Variants in ATXN7 observed in about 807,000 individuals in gnomAD.
ATXN7 encodes the protein ataxin-7.
Under a neutral mutation model 70.5 loss-of-function variants are expected in ATXN7, and 12 were observed. The ratio of observed to expected loss-of-function variants is 0.17; its 90% CI spans 0.11 to 0.28. ATXN7 has a LOEUF of 0.28. Ranked by LOEUF, ATXN7 falls within the 10% of genes least tolerant of loss-of-function variation. ATXN7 has a pLI of 1.00. For synonymous variants in ATXN7, 498 were observed against 448.7 expected, an observed-to-expected ratio of 1.11 and a Z score of -1.39; for missense variants, 1,256 against 1,131.7, an observed-to-expected ratio of 1.11 and a Z score of -1.58.
chr3:63,929,969 A>G (rs529828562), intron 4 of ATXN7, among the ~76,000 whole-genome samples: 2 of 152,284 alleles, frequency 1.3e-5, no homozygotes, highest in African/African-American at 4.8e-5. Context: ...CAAGTAGTGG[A>G]GAGATGACTG....
At chr3:63,991,290 C>A (rs2075667867) in intron 11 of ATXN7, among the ~76,000 whole-genome samples, 1 of 115,490 alleles carries the variant, frequency 8.7e-6, no homozygotes, top group African/African-American at 3.3e-5. Context: ...TACCCTCCCC[C>A]CACCCCTGGT....
At chr3:63,870,860 CTT>C (rs946978373) in intron 1 of ATXN7, among the ~76,000 whole-genome samples, 107 of 152,258 alleles carry the variant, frequency 7.0e-4, no homozygotes, top group African/African-American at 2.5e-3. Flanking sequence ...AAAAATTCCT[CTT>C]GTGTTCTAAC....
At chr3:63,927,695 T>G (rs559919845) in intron 4 of ATXN7, among the ~76,000 whole-genome samples, 4 of 152,230 alleles carry the variant, frequency 2.6e-5, no homozygotes, top group Admixed American at 6.5e-5. Flanking sequence ...AACTCTGTGC[T>G]TTTTTCCAGC....
chr3:63,974,518 T>C (rs1306409166), intron 5 of ATXN7, among the ~76,000 whole-genome samples: 1 of 152,268 alleles, frequency 6.6e-6, no homozygotes, highest in African/African-American at 2.4e-5. Flanking sequence ...TGCCTGGGAT[T>C]GCACCCATCT....
At chr3:63,931,255 T>C (rs1317736852) in intron 4 of ATXN7, among the ~76,000 whole-genome samples, 3 of 152,320 alleles carry the variant, frequency 2.0e-5, no homozygotes, top group South Asian at 4.1e-4. Flanking sequence ...AGAAGTTTGC[T>C]GATTTATTGT....
intron 4 of ATXN7, among the ~76,000 whole-genome samples, chr3:63,919,391 A>T (rs1376916138): frequency 6.6e-6 from 1 of 152,188 alleles, no homozygotes; most frequent in Non-Finnish European, 1.5e-5. Context: ...AAGGAAACCC[A>T]ATCTGCAGAA....
At chr3:63,915,580 G>A (rs539975461) in intron 4 of ATXN7, among the ~76,000 whole-genome samples, 1 of 152,260 alleles carries the variant, frequency 6.6e-6, no homozygotes, top group South Asian at 2.1e-4. Context: ...AAGAAAAGAT[G>A]TTTTGAAGTT....
At chr3:63,925,123 A>C (rs1160210192) in intron 4 of ATXN7, among the ~76,000 whole-genome samples, 1 of 152,180 alleles carries the variant, frequency 6.6e-6, no homozygotes, top group Non-Finnish European at 1.5e-5. Context: ...GCAGGTAGGG[A>C]TGTAGAATTG....
chr3:63,955,203 AC>A (rs1361686184), intron 5 of ATXN7, among the ~76,000 whole-genome samples: 1 of 152,186 alleles, frequency 6.6e-6, no homozygotes, highest in African/African-American at 2.4e-5. Context: ...GATGTGACTG[AC>A]AAAGCCACTA....
chr3:63,930,701 T>C (rs1395678700), intron 4 of ATXN7, among the ~76,000 whole-genome samples: 1 of 152,084 alleles, frequency 6.6e-6, no homozygotes, highest in African/African-American at 2.4e-5. Flanking sequence ...GCTAATTTTT[T>C]TTGTATTTTT....
In ATXN7 at chr3:63,931,280, T is replaced by A. The variant is rs74279533; in HGVS notation, c.394+18055T>A. Reference sequence around the variant, plus strand: ...TGATTTATTGTTTCTAGTGCTGATCTTCTTGCTGTTACTAACTTGTAAACA... The same window carrying A: ...TGATTTATTGTTTCTAGTGCTGATCATCTTGCTGTTACTAACTTGTAAACA... On this transcript the variant is annotated intron_variant, in intron 4 of 12. Coordinates refer to ENST00000674280, the MANE Select transcript of ATXN7 (RefSeq NM_001377405.1). Among the ~76,000 whole-genome samples the A allele has an allele frequency of 2.4e-3, 368 of 152,294 alleles. 10 individuals carry two copies. The East Asian group carries it at 0.061, about 25-fold the overall frequency.
chr3:63,941,940 G>A (rs574281279), intron 4 of ATXN7, among the ~76,000 whole-genome samples: 1 of 152,268 alleles, frequency 6.6e-6, no homozygotes, highest in Non-Finnish European at 1.5e-5. Context: ...GTCACCTGTT[G>A]AAATAAATTT....
At chr3:63,863,558 G>C (rs1702292126), upstream of ATXN7, 8 of 1,196,394 alleles carry the variant, frequency 6.7e-6, no homozygotes, top group South Asian at 3.0e-4. Flanking sequence ...GAGGGTCTCC[G>C]AGGGGCGCTC....
intron 8 of ATXN7, among the ~76,000 whole-genome samples, chr3:63,983,408 G>T (rs2106764211): frequency 6.6e-6 from 1 of 152,206 alleles, no homozygotes; most frequent in South Asian, 2.1e-4. Context: ...TTTAAAAAAT[G>T]TGTCACCCAT....
chr3:63,905,246 C>T (rs1181801256), intron 2 of ATXN7: 1 of 151,818 alleles, frequency 6.6e-6, no homozygotes, highest in African/African-American at 2.4e-5. Context: ...GAGTCTTATT[C>T]TGTCGCCAGA....
chr3:63,976,140 A>G (rs1242060958), intron 5 of ATXN7, among the ~76,000 whole-genome samples: 2 of 152,170 alleles, frequency 1.3e-5, no homozygotes, highest in African/African-American at 4.8e-5. Context: ...AACCCCACCT[A>G]TAATTTGCCC....
intron 4 of ATXN7, among the ~76,000 whole-genome samples, chr3:63,913,793 C>T (rs967066190): frequency 3.3e-5 from 5 of 152,256 alleles, no homozygotes; most frequent in Admixed American, 2.6e-4. Flanking sequence ...TAAGCCTTTA[C>T]TGCCCGTGGC....
At chr3:63,952,517 G>C (rs781103155) in intron 5 of ATXN7, 34 bp downstream of exon 5, 2 of 1,474,648 alleles carry the variant, frequency 1.4e-6, no homozygotes, top group Non-Finnish European at 1.9e-6. Flanking sequence ...ATTGTTAATA[G>C]AAGGTAAAAG....
At chr3:63,915,687 T>A (rs1704233609) in intron 4 of ATXN7, among the ~76,000 whole-genome samples, 1 of 99,028 alleles carries the variant, frequency 1.0e-5, no homozygotes, top group African/African-American at 4.3e-5. Context: ...CCTTTATTTA[T>A]TTTTTTTTTT....
Sources: allele counts gnomAD v4.1 joint callset (sites outside exome capture counted in the v4.1 genomes callset), GRCh38; gene constraint gnomAD v4.1.1; transcripts MANE v1.5; gene names NCBI Gene and HGNC (gene_info 2026-07-23, HGNC 2026-07-21).